MAGI2: variants seen among roughly 807,000 people sequenced by gnomAD.
MAGI2 encodes the protein membrane-associated guanylate kinase, WW and PDZ domain-containing protein 2.
A neutral mutation model predicts 133.3 loss-of-function variants in MAGI2; 35 were observed. That is an observed-to-expected ratio of 0.26 (90% CI 0.20 to 0.35). The LOEUF is 0.35. Ranked by LOEUF, MAGI2 falls within the 10% of genes least tolerant of loss-of-function variation. The pLI is 1.00. For missense variants in MAGI2, 1,636 were observed against 1,863.4 expected (o/e 0.88, Z 2.25); for synonymous variants, 729 against 710.6 (o/e 1.03, Z -0.41).
chr7:79,144,019 C>A (rs187815314), intron 1 of MAGI2, among the ~76,000 whole-genome samples: 3 of 152,094 alleles, frequency 2.0e-5, no homozygotes, highest in African/African-American at 7.2e-5. Context: ...ATATAGAACA[C>A]TTCACAGCAT....
intron 1 of MAGI2, among the ~76,000 whole-genome samples, chr7:79,214,850 AATTTATAAATATAT>A (rs1241093854): frequency 6.9e-6 from 1 of 144,538 alleles, no homozygotes; most frequent in Admixed American, 7.0e-5. Flanking sequence ...AAAATTTATA[AATTTATAAATATAT>A]ATTTATAAAT....
chr7:78,028,978 A>T (rs929037149), intron 21 of MAGI2, among the ~76,000 whole-genome samples: 3 of 152,148 alleles, frequency 2.0e-5, no homozygotes, highest in African/African-American at 7.2e-5. Flanking sequence ...AGGATAACTG[A>T]CTGAGTAACT....
intron 2 of MAGI2, among the ~76,000 whole-genome samples, chr7:78,892,640 A>G (rs909697195): frequency 6.6e-6 from 1 of 152,242 alleles, no homozygotes; most frequent in Non-Finnish European, 1.5e-5. Flanking sequence ...AGGATTCCCT[A>G]TTTAATAAAT....
intron 3 of MAGI2, among the ~76,000 whole-genome samples, chr7:78,550,555 T>G (rs1799247006): frequency 6.6e-6 from 1 of 152,236 alleles, no homozygotes; most frequent in Admixed American, 6.5e-5. Context: ...AGAAGACTGT[T>G]AATACCTGGA....
intron 2 of MAGI2, among the ~76,000 whole-genome samples, chr7:78,995,650 A>T (rs1464761538): frequency 6.6e-6 from 1 of 152,160 alleles, no homozygotes; most frequent in Non-Finnish European, 1.5e-5. Context: ...CTGGAAATAG[A>T]CTGTAATAGT....
chr7:79,276,857 T>A (rs1405401678), intron 1 of MAGI2, among the ~76,000 whole-genome samples: 5 of 151,908 alleles, frequency 3.3e-5, no homozygotes, highest in African/African-American at 1.2e-4. Context: ...CCCAGGTACT[T>A]GGGAAGCTGA....
intron 9 of MAGI2, among the ~76,000 whole-genome samples, chr7:78,281,976 C>A (rs1795647611): frequency 6.6e-6 from 1 of 151,512 alleles, no homozygotes. Context: ...ACTGTGAGTT[C>A]TTTCAAGAGA....
chr7:78,767,827 T>C (rs1201450599), intron 2 of MAGI2, among the ~76,000 whole-genome samples: 3 of 152,246 alleles, frequency 2.0e-5, no homozygotes, highest in Non-Finnish European at 4.4e-5. Flanking sequence ...AGCTCAAAGC[T>C]ATAGGAATAC....
intron 2 of MAGI2, among the ~76,000 whole-genome samples, chr7:78,969,844 G>A (rs1460027038): frequency 6.6e-6 from 1 of 152,014 alleles, no homozygotes; most frequent in African/African-American, 2.4e-5. Flanking sequence ...ATATTAATCA[G>A]TGTTTACTCT....
At chr7:79,033,504 T>C (rs1374965566) in intron 1 of MAGI2, among the ~76,000 whole-genome samples, 1 of 152,154 alleles carries the variant, frequency 6.6e-6, no homozygotes, top group East Asian at 1.9e-4. Context: ...ATCTATACCT[T>C]ATGGACAATT....
chr7:78,201,709 T>C (rs115084641), intron 10 of MAGI2, among the ~76,000 whole-genome samples: 418 of 152,344 alleles, frequency 2.7e-3, no homozygotes, highest in African/African-American at 9.7e-3. Context: ...CTATAAATTT[T>C]TGTGAGTGTT....
chr7:78,273,447 G>C (rs1794772907), intron 9 of MAGI2, among the ~76,000 whole-genome samples: 1 of 152,080 alleles, frequency 6.6e-6, no homozygotes, highest in African/African-American at 2.4e-5. Flanking sequence ...TATCTTTGTG[G>C]TGTTCTCTGA....
chr7:78,343,966 T>A lies in MAGI2; in HGVS notation c.1226-6A>T. ...CCGGGTGAAGAGTGGTTTTTCTACA[T>A]TGGCCAATATAAGTTAAAAAAGAAA... On this transcript the variant is annotated splice_region_variant and splice_polypyrimidine_tract_variant and intron_variant, in intron 8 of 21. Coordinates refer to ENST00000354212, the MANE Select transcript of MAGI2 (RefSeq NM_012301.4). 1 of 1,602,936 alleles carries A rather than the reference T, an allele frequency of 6.2e-7. No individual in the cohort carries two copies. The highest frequency in any genetic ancestry group is 8.5e-7 in the Non-Finnish European group (1 of 1,176,614).
At chr7:79,262,735 A>ATT (rs1834175088) in intron 1 of MAGI2, among the ~76,000 whole-genome samples, 1 of 152,202 alleles carries the variant, frequency 6.6e-6, no homozygotes, top group African/African-American at 2.4e-5. Context: ...TACACACAAC[A>ATT]AAGTTTTGGG....
chr7:78,330,297 T>G (rs1789028450), intron 9 of MAGI2, among the ~76,000 whole-genome samples: 1 of 152,164 alleles, frequency 6.6e-6, no homozygotes. Flanking sequence ...TCCATAGTAA[T>G]CCATGTCAGA....
At chr7:78,026,246 G>A (rs543782597) in intron 21 of MAGI2, 3 of 152,290 alleles carry the variant, frequency 2.0e-5, no homozygotes, top group Admixed American at 2.0e-4. Flanking sequence ...AAAATAAAAT[G>A]TGCTCCTTCA....
At chr7:78,916,265 G>A (rs529614910) in intron 2 of MAGI2, among the ~76,000 whole-genome samples, 11 of 151,812 alleles carry the variant, frequency 7.2e-5, no homozygotes, top group South Asian at 2.1e-4. Flanking sequence ...CACAAAATAC[G>A]TACTTAATGT....
chr7:78,622,434 T>C (rs994323995), intron 3 of MAGI2, among the ~76,000 whole-genome samples: 3 of 151,924 alleles, frequency 2.0e-5, no homozygotes, highest in Non-Finnish European at 4.4e-5. Flanking sequence ...GAAGGGAGAA[T>C]GTGTAATTTA....
intron 2 of MAGI2, among the ~76,000 whole-genome samples, chr7:78,761,207 T>C (rs1463794701): frequency 6.6e-6 from 1 of 152,174 alleles, no homozygotes; most frequent in African/African-American, 2.4e-5. Context: ...GGTAAGATAT[T>C]AACTTGTAGT....
Sources: allele counts gnomAD v4.1 joint callset (sites outside exome capture counted in the v4.1 genomes callset), GRCh38; gene constraint gnomAD v4.1.1; transcripts MANE v1.5; gene names NCBI Gene and HGNC (gene_info 2026-07-23, HGNC 2026-07-21).